The following FOXP2 variants were observed in gnomAD, a reference collection of about 807,000 sequenced individuals.
FOXP2 encodes forkhead box P2.
In FOXP2, 12 loss-of-function variants were observed where a neutral mutation model predicts 115.8. The observed-to-expected ratio is 0.10, with a 90% confidence interval of 0.07 to 0.17. FOXP2 has a LOEUF of 0.17. FOXP2 is among the 10% of genes least tolerant of loss of function. The pLI, the probability that FOXP2 is intolerant of heterozygous loss-of-function variation, is 1.00. For synonymous variants in FOXP2, 328 were observed against 297.7 expected (o/e 1.10, Z -1.05); for missense variants, 629 against 843.5 (o/e 0.75, Z 3.15).
intron 2 of FOXP2, among the ~76,000 whole-genome samples, chr7:114,511,815 A>C (rs1284876926): frequency 6.6e-6 from 1 of 152,046 alleles, no homozygotes. Context: ...TATAAATTTG[A>C]GGTTATGTTT....
intron 3 of FOXP2, among the ~76,000 whole-genome samples, chr7:114,546,687 T>A (rs1406837022): frequency 2.6e-5 from 4 of 151,882 alleles, no homozygotes; most frequent in Non-Finnish European, 5.9e-5. Flanking sequence ...AAAAAAAAAA[T>A]CCCTCCTCAC....
At chr7:114,637,682 T>C (rs918700724) in intron 6 of FOXP2, among the ~76,000 whole-genome samples, 1 of 151,932 alleles carries the variant, frequency 6.6e-6, no homozygotes, top group Non-Finnish European at 1.5e-5. Flanking sequence ...TTAAGTAAAA[T>C]ATATAGTGGT....
At chr7:114,290,961 C>G (rs1200754834) in intron 2 of FOXP2, among the ~76,000 whole-genome samples, 1 of 152,056 alleles carries the variant, frequency 6.6e-6, no homozygotes, top group Non-Finnish European at 1.5e-5. Context: ...TCATTTCAAT[C>G]GTTGACTGTA....
chr7:114,622,193 T>C (rs1194392155), intron 3 of FOXP2, among the ~76,000 whole-genome samples: 1 of 151,974 alleles, frequency 6.6e-6, no homozygotes, highest in African/African-American at 2.4e-5. Flanking sequence ...ATGGTGAGAC[T>C]GTTTCATAAA....
chr7:114,333,095 G>A (rs908039573), intron 2 of FOXP2, among the ~76,000 whole-genome samples: 1 of 151,924 alleles, frequency 6.6e-6, no homozygotes, highest in Non-Finnish European at 1.5e-5. Flanking sequence ...GATAATTCTC[G>A]GAGGAATAAT....
chr7:114,624,482 A>G (rs1298931413), intron 3 of FOXP2, among the ~76,000 whole-genome samples: 1 of 151,894 alleles, frequency 6.6e-6, no homozygotes, highest in Non-Finnish European at 1.5e-5. Flanking sequence ...AATTGGACTG[A>G]CACTATACTA....
chr7:114,428,611 G>A (rs899051331), intron 2 of FOXP2, among the ~76,000 whole-genome samples: 3 of 151,306 alleles, frequency 2.0e-5, no homozygotes, highest in African/African-American at 7.3e-5. Flanking sequence ...AAATAAACAT[G>A]CAAAAACCTT....
At chr7:114,184,368 T>C (rs1436408974) in intron 1 of FOXP2, among the ~76,000 whole-genome samples, 1 of 152,162 alleles carries the variant, frequency 6.6e-6, no homozygotes, top group Non-Finnish European at 1.5e-5. Flanking sequence ...CCAGAAGCCT[T>C]TCTATTCCGG....
At chr7:114,089,653 C>T (rs974745153) in intron 1 of FOXP2, among the ~76,000 whole-genome samples, 2 of 150,644 alleles carry the variant, frequency 1.3e-5, no homozygotes, top group Non-Finnish European at 3.0e-5. Context: ...AGTGGCTTTG[C>T]TTAAAAAAAA....
chr7:114,282,684 A>G (rs897512833), intron 1 of FOXP2, among the ~76,000 whole-genome samples: 21 of 152,308 alleles, frequency 1.4e-4, no homozygotes, highest in African/African-American at 5.0e-4. Flanking sequence ...AAACAGACAA[A>G]CATCCATGTC....
At chr7:114,493,311 G>A (rs1227437089) in intron 2 of FOXP2, among the ~76,000 whole-genome samples, 5 of 151,960 alleles carry the variant, frequency 3.3e-5, no homozygotes, top group African/African-American at 7.3e-5. Flanking sequence ...GTCTCTGCAC[G>A]TGAGATGGGT....
At chr7:114,634,000 C>CT (rs1306304563) in intron 6 of FOXP2, among the ~76,000 whole-genome samples, 6 of 151,400 alleles carry the variant, frequency 4.0e-5, no homozygotes, top group African/African-American at 1.5e-4. Flanking sequence ...AAAACTGTAT[C>CT]TTTTCTTTTT....
rs1440509279 is a variant in FOXP2, at chr7:114,691,652, AC to A, written c.*1727del. The A allele has an allele frequency of 2.2e-6, 1 of 453,942 alleles. No homozygotes were observed. The highest frequency in any genetic ancestry group is 2.0e-5 in the African/African-American group (1 of 50,076). 28.1% of individuals were successfully genotyped at this position (453,942 alleles called of 1,614,324 possible). On this transcript the variant is annotated 3_prime_UTR_variant, in exon 17 of 17. Transcript: ENST00000350908. ...ATGTGCTGTGCCAAGTCTTGATAAT[AC>A]TTTTTCCCCCAACCAAGGGACCTCA...
intron 1 of FOXP2, among the ~76,000 whole-genome samples, chr7:114,164,613 T>A (rs1394179672): frequency 1.3e-5 from 2 of 152,104 alleles, no homozygotes; most frequent in Non-Finnish European, 2.9e-5. Context: ...CTGCTGGGAT[T>A]ACAGGCATAA....
chr7:114,464,508 A>G (rs1258832846), intron 2 of FOXP2, among the ~76,000 whole-genome samples: 4 of 152,244 alleles, frequency 2.6e-5, no homozygotes, highest in African/African-American at 9.6e-5. Flanking sequence ...CCCAAATAAG[A>G]TAAAGAAATA....
intron 2 of FOXP2, among the ~76,000 whole-genome samples, chr7:114,534,214 C>T (rs1008885982): frequency 3.3e-5 from 5 of 151,746 alleles, no homozygotes; most frequent in Admixed American, 6.6e-5. Context: ...TTACAGCTTC[C>T]GGTAACACTT....
intron 2 of FOXP2, among the ~76,000 whole-genome samples, chr7:114,453,952 G>T (rs1795176836): frequency 6.6e-6 from 1 of 152,000 alleles, no homozygotes; most frequent in African/African-American, 2.4e-5. Context: ...CAGGACATAG[G>T]CATGGGCAAG....
intron 2 of FOXP2, among the ~76,000 whole-genome samples, chr7:114,363,179 T>C (rs1791792969): frequency 6.6e-6 from 1 of 152,148 alleles, no homozygotes. Context: ...ACCTTTTATA[T>C]GCAAAGCACT....
At chr7:114,197,140 G>T (rs949973847) in intron 1 of FOXP2, among the ~76,000 whole-genome samples, 1 of 152,140 alleles carries the variant, frequency 6.6e-6, no homozygotes, top group South Asian at 2.1e-4. Context: ...TGAGGCTGCA[G>T]TGAACTGTGA....
Sources: allele counts gnomAD v4.1 joint callset (sites outside exome capture counted in the v4.1 genomes callset), GRCh38; gene constraint gnomAD v4.1.1; transcripts MANE v1.5; gene names NCBI Gene and HGNC (gene_info 2026-07-23, HGNC 2026-07-21).